The following LY6S variants were observed in gnomAD, a reference collection of about 807,000 sequenced individuals.
LY6S encodes lymphocyte antigen 6S.
At chr8:143,059,814 A>G in the LY6S span, 1 of 152,122 alleles carries the variant, frequency 6.6e-6, no homozygotes, top group African/African-American at 2.4e-5. Flanking sequence ...GAGGTAGGTA[A>G]ATGAAGTTAT....
the LY6S span, among the ~76,000 whole-genome samples, chr8:143,075,370 T>C: frequency 6.6e-6 from 1 of 152,184 alleles, no homozygotes; most frequent in Non-Finnish European, 1.5e-5. The surrounding 1 kb of genome is among the most constrained non-coding windows in gnomAD (Gnocchi z 4.1). Context: ...GTCTCCCTCC[T>C]ACTCACCAAA....
the LY6S span, among the ~76,000 whole-genome samples, chr8:143,060,923 G>C: frequency 1.3e-5 from 2 of 151,736 alleles, no homozygotes; most frequent in African/African-American, 2.4e-5. Context: ...TATAACAAAA[G>C]AAAATACGAG....
chr8:143,053,023 A>C, the LY6S span, among the ~76,000 whole-genome samples: 3 of 152,200 alleles, frequency 2.0e-5, no homozygotes, highest in Non-Finnish European at 4.4e-5. Flanking sequence ...TCGCCTGGCA[A>C]GTGAAACACA....
chr8:143,063,049 G>A, the LY6S span, among the ~76,000 whole-genome samples: 4 of 152,172 alleles, frequency 2.6e-5, no homozygotes, highest in African/African-American at 4.8e-5. Context: ...TGATCACCAG[G>A]CTGGAAAATC....
At chr8:143,072,415 T>G in the LY6S span, among the ~76,000 whole-genome samples, 421 of 63,002 alleles carry the variant, frequency 6.7e-3, no homozygotes, top group African/African-American at 0.021. Context: ...GTCGTCCTCG[T>G]GGTCCCTGTT....
chr8:143,064,800 G>A, the LY6S span, among the ~76,000 whole-genome samples: 275 of 152,326 alleles, frequency 1.8e-3, 2 homozygotes, highest in African/African-American at 6.3e-3. Context: ...GTTTGGGTCC[G>A]TGCGGGGAAT....
At chr8:143,056,470 A>C in the LY6S span, among the ~76,000 whole-genome samples, 1 of 152,218 alleles carries the variant, frequency 6.6e-6, no homozygotes, top group East Asian at 1.9e-4. Context: ...GCAAACTGAA[A>C]GTATGCTTAA....
the LY6S span, among the ~76,000 whole-genome samples, chr8:143,052,375 AC>A: frequency 1.3e-5 from 2 of 152,198 alleles, no homozygotes; most frequent in Non-Finnish European, 2.9e-5. Flanking sequence ...CCTGGCAACC[AC>A]AATAGAGTCA....
At chr8:143,076,292 C>T in the LY6S span, among the ~76,000 whole-genome samples, 536 of 152,322 alleles carry the variant, frequency 3.5e-3, no homozygotes, top group Non-Finnish European at 5.5e-3. Context: ...TGTGAGGCCC[C>T]CACTGCTGAC....
the LY6S span, among the ~76,000 whole-genome samples, chr8:143,048,750 G>A: frequency 6.6e-6 from 1 of 152,156 alleles, no homozygotes. Context: ...GATTACAGGT[G>A]TGAGCCACCG....
the LY6S span, chr8:143,065,777 C>CT: frequency 2.6e-5 from 2 of 76,996 alleles, no homozygotes; most frequent in South Asian, 6.0e-4. Context: ...TTTTCTCTTT[C>CT]TTTCTTTTTC....
the LY6S span, among the ~76,000 whole-genome samples, chr8:143,046,586 A>G: frequency 6.6e-6 from 1 of 152,058 alleles, no homozygotes; most frequent in Non-Finnish European, 1.5e-5. Context: ...TCAAAAAAAA[A>G]AAAAAAAAAT....
chr8:143,061,607 C>T, the LY6S span, among the ~76,000 whole-genome samples: 8 of 152,172 alleles, frequency 5.3e-5, no homozygotes, highest in African/African-American at 1.9e-4. Flanking sequence ...TGCAATGGTG[C>T]GATCTTGGCT....
At chr8:143,065,220 G>T in the LY6S span, among the ~76,000 whole-genome samples, 1 of 152,162 alleles carries the variant, frequency 6.6e-6, no homozygotes, top group East Asian at 1.9e-4. Flanking sequence ...CTGCTTCCCT[G>T]TACTCTGGGG....
chr8:143,055,382 T>C, the LY6S span, among the ~76,000 whole-genome samples: 1 of 152,220 alleles, frequency 6.6e-6, no homozygotes, highest in Non-Finnish European at 1.5e-5. Flanking sequence ...GACTAATGTA[T>C]GCCTGATAAC....
the LY6S span, among the ~76,000 whole-genome samples, chr8:143,052,826 G>A: frequency 8.2e-3 from 1,245 of 152,272 alleles, 14 homozygotes; most frequent in African/African-American, 0.028. Context: ...CATCTATCGC[G>A]TTCATGAGAA....
chr8:143,066,028 T>C, the LY6S span: 2 of 377,934 alleles, frequency 5.3e-6, no homozygotes, highest in South Asian at 2.2e-5. Flanking sequence ...TTGCTGTGCA[T>C]TGCACAACCT....
chr8:143,045,127 AAC>A, the LY6S span, among the ~76,000 whole-genome samples: 1 of 152,012 alleles, frequency 6.6e-6, no homozygotes, highest in African/African-American at 2.4e-5. The surrounding 1 kb of genome is among the most constrained non-coding windows in gnomAD (Gnocchi z 5.3). Context: ...GCAGGCACCA[AAC>A]ACACCAGTCA....
At chr8:143,054,770 G>A in the LY6S span, among the ~76,000 whole-genome samples, 1 of 152,174 alleles carries the variant, frequency 6.6e-6, no homozygotes, top group East Asian at 1.9e-4. Flanking sequence ...CTTCCCTTGG[G>A]TTTAGTATTA....
Sources: allele counts gnomAD v4.1 joint callset (sites outside exome capture counted in the v4.1 genomes callset), GRCh38; gene constraint gnomAD v4.1.1; non-coding constraint Gnocchi (gnomAD v3.1); transcripts MANE v1.5; gene names NCBI Gene and HGNC (gene_info 2026-07-23, HGNC 2026-07-21).